Variants in KHDRBS2 observed in about 807,000 individuals in gnomAD.
KHDRBS2 encodes KH domain-containing, RNA-binding, signal transduction-associated protein 2.
A neutral mutation model predicts 44.3 loss-of-function variants in KHDRBS2; 26 were observed. The ratio of observed to expected loss-of-function variants is 0.59; its 90% CI spans 0.43 to 0.81. KHDRBS2 has a LOEUF of 0.81. KHDRBS2 is among the 40% of genes least tolerant of loss of function. KHDRBS2 has a pLI of 0.00. For synonymous variants in KHDRBS2, 194 were observed against 151.1 expected, an observed-to-expected ratio of 1.28 and a Z score of -2.08; for missense variants, 476 against 433.1, an observed-to-expected ratio of 1.10 and a Z score of -0.88.
chr6:61,630,825 G>C, the KHDRBS2 span, among the ~76,000 whole-genome samples: 1 of 152,142 alleles, frequency 6.6e-6, no homozygotes, highest in Non-Finnish European at 1.5e-5. Flanking sequence ...ACATTTTGGA[G>C]TTTGGTGTAT....
rs1251761353 is a variant in KHDRBS2 at position 61,848,469 on chromosome 6, T to TTTTATATATATATATATATATA, written c.810+46165_810+46166insTATATATATATATATATATAAA. On this transcript the variant is annotated intron_variant, in intron 6 of 8. Coordinates refer to ENST00000281156, the MANE Select transcript of KHDRBS2 (RefSeq NM_152688.4). ...GGTTATATTGAGAGAAATGGAGGTT[T>TTTTATATATATATATATATATA]TATATATATATATATATATATGTAT... 8.1e-5 allele frequency among the ~76,000 whole-genome samples: 6 copies of TTTTATATATATATATATATATA among 73,696 alleles called. 2 individuals are homozygous for TTTTATATATATATATATATATA. The highest frequency in any genetic ancestry group is 4.0e-4 in the African/African-American group (6 of 14,932). 48.3% of individuals were successfully genotyped at this position (73,696 alleles called of 152,430 possible).
At chr6:62,217,598 G>A (rs1427636323) in intron 1 of KHDRBS2, among the ~76,000 whole-genome samples, 1 of 151,782 alleles carries the variant, frequency 6.6e-6, no homozygotes, top group African/African-American at 2.4e-5. Context: ...AGTACTTGGA[G>A]ATAGGCTTAC....
chr6:62,067,463 C>T (rs1387494231), intron 2 of KHDRBS2, among the ~76,000 whole-genome samples: 1 of 151,118 alleles, frequency 6.6e-6, no homozygotes, highest in Non-Finnish European at 1.5e-5. Flanking sequence ...GCTGCTAACT[C>T]TTCATTGTAC....
intron 7 of KHDRBS2, among the ~76,000 whole-genome samples, chr6:61,705,878 C>G (rs1769448987): frequency 6.6e-6 from 1 of 151,798 alleles, no homozygotes; most frequent in Non-Finnish European, 1.5e-5. Flanking sequence ...TATACACCTC[C>G]TATAAATAAC....
At chr6:61,781,349 C>A (rs893931668) in intron 6 of KHDRBS2, among the ~76,000 whole-genome samples, 29 of 151,950 alleles carry the variant, frequency 1.9e-4, no homozygotes, top group African/African-American at 7.0e-4. Flanking sequence ...ATGAAATTTC[C>A]TCTTAAAAAA....
intron 4 of KHDRBS2, among the ~76,000 whole-genome samples, chr6:61,930,073 T>C (rs1260800842): frequency 3.3e-5 from 5 of 152,020 alleles, no homozygotes; most frequent in South Asian, 4.2e-4. Context: ...TAAAAGGGCA[T>C]GAGGGAGGGG....
chr6:62,257,707 C>A (rs1184172690), intron 1 of KHDRBS2, among the ~76,000 whole-genome samples: 1 of 151,968 alleles, frequency 6.6e-6, no homozygotes, highest in Non-Finnish European at 1.5e-5. Context: ...CTACCTTCAG[C>A]CACATATTTC....
At chr6:61,797,723 TTTTGTGTG>T (rs201068085) in intron 6 of KHDRBS2, among the ~76,000 whole-genome samples, 3,014 of 130,356 alleles carry the variant, frequency 0.023, 50 homozygotes, top group African/African-American at 0.055. Flanking sequence ...CAGTATGGTG[TTTTGTGTG>T]TGTGTGTGTG....
chr6:62,116,402 A>G (rs1217610726), intron 2 of KHDRBS2, among the ~76,000 whole-genome samples: 1 of 152,046 alleles, frequency 6.6e-6, no homozygotes, highest in Admixed American at 6.6e-5. Flanking sequence ...TTTGTTTTAA[A>G]TTCTGCATAT....
intron 1 of KHDRBS2, among the ~76,000 whole-genome samples, chr6:62,212,122 ACT>A (rs1185561156): frequency 1.3e-5 from 2 of 151,876 alleles, no homozygotes; most frequent in Non-Finnish European, 2.9e-5. Flanking sequence ...ATAACTCTAA[ACT>A]CTGTGCTCTG....
rs1842423124 is a variant in KHDRBS2, at chr6:62,285,890, G to C, written c.59C>G (p.Ser20Cys). The C allele has an allele frequency of 6.2e-7, 1 of 1,613,412 alleles. No individual in the cohort carries two copies. Among genetic ancestry groups the C allele is most frequent in the Admixed American group, 1.7e-5 (1 of 59,938 alleles). Residue 20 changes from serine (S) to cysteine (C), a missense_variant, in exon 1 of 9, where the codon TCT becomes TGT. Transcript: ENST00000281156. ...CAAAAGGCGCGACGCATGCACAAAA[G>C]ATGGATCCAGGCTATCTTTCTCTGC... ...LMAEKDSLDP[S>C]FVHASRLLAE...
the KHDRBS2 span, among the ~76,000 whole-genome samples, chr6:61,654,122 A>G: frequency 6.6e-6 from 1 of 151,966 alleles, no homozygotes; most frequent in Non-Finnish European, 1.5e-5. Flanking sequence ...TGCTATTCTC[A>G]TATGTGGAAA....
intron 6 of KHDRBS2, among the ~76,000 whole-genome samples, chr6:61,751,937 ACTT>A: frequency 7.5e-6 from 1 of 133,598 alleles, no homozygotes; most frequent in Admixed American, 7.8e-5. Flanking sequence ...CTGTGTACAC[ACTT>A]CTCTGTGTGT....
intron 1 of KHDRBS2, among the ~76,000 whole-genome samples, chr6:62,251,849 TA>T (rs34805486): frequency 0.19 from 28,234 of 151,696 alleles, 3,101 homozygotes; most frequent in African/African-American, 0.31. Context: ...TTGCTATTAT[TA>T]AAAAATAGTA....
intron 4 of KHDRBS2, among the ~76,000 whole-genome samples, chr6:61,945,986 G>A (rs573386444): frequency 6.6e-6 from 1 of 152,258 alleles, no homozygotes; most frequent in East Asian, 1.9e-4. Context: ...TTGCTTATGT[G>A]TGTGTGCACA....
At chr6:61,712,782 C>T (rs556746298) in intron 7 of KHDRBS2, among the ~76,000 whole-genome samples, 20 of 151,810 alleles carry the variant, frequency 1.3e-4, no homozygotes, top group Admixed American at 5.3e-4. Context: ...GTAGTAGTAA[C>T]GTTCTACCTT....
intron 5 of KHDRBS2, 64 bp from the exon 6 acceptor site, chr6:61,894,897 A>G: frequency 8.7e-7 from 1 of 1,144,638 alleles, no homozygotes; most frequent in South Asian, 1.3e-5. Flanking sequence ...CTATCACAGA[A>G]AAAGTTTTCA....
the KHDRBS2 span, among the ~76,000 whole-genome samples, chr6:61,585,662 G>A: frequency 6.6e-6 from 1 of 152,124 alleles, no homozygotes; most frequent in Non-Finnish European, 1.5e-5. Context: ...AGAGGTTATG[G>A]TAAAATTTTT....
intron 1 of KHDRBS2, among the ~76,000 whole-genome samples, chr6:62,222,651 A>T: frequency 6.6e-6 from 1 of 152,200 alleles, no homozygotes; most frequent in African/African-American, 2.4e-5. Flanking sequence ...GCCCCTCCCA[A>T]ATCTCATGTC....
Sources: allele counts gnomAD v4.1 joint callset (sites outside exome capture counted in the v4.1 genomes callset), GRCh38; gene constraint gnomAD v4.1.1; transcripts MANE v1.5; gene names NCBI Gene and HGNC (gene_info 2026-07-23, HGNC 2026-07-21).